Variants in PRH1 observed in about 807,000 individuals in gnomAD.
PRH1 encodes the protein salivary acidic proline-rich phosphoprotein 1/2.
PRH1 carries 7 observed loss-of-function variants against 7.9 expected under a neutral mutation model. That is an observed-to-expected ratio of 0.89 (90% CI 0.50 to 1.67). The LOEUF is 1.67. Ranked by LOEUF, PRH1 falls within the 40% of genes most tolerant of loss-of-function variation. The pLI, the probability that PRH1 is intolerant of heterozygous loss-of-function variation, is 0.00. For synonymous variants in PRH1, 45 were observed against 80.8 expected, an observed-to-expected ratio of 0.56 and a Z score of 2.38; for missense variants, 109 against 223.6, an observed-to-expected ratio of 0.49 and a Z score of 3.27.
At chr12:11,052,081 T>C (rs1943170036), upstream of PRH1, among the ~76,000 whole-genome samples, 1 of 152,290 alleles carries the variant, frequency 6.6e-6, no homozygotes, top group South Asian at 2.1e-4. Context: ...CTAAATTTAT[T>C]CCTGTCACCT....
chr12:11,045,059 T>C (rs1942854756), intron 1 of PRH1, among the ~76,000 whole-genome samples: 1 of 152,114 alleles, frequency 6.6e-6, no homozygotes, highest in Admixed American at 6.5e-5. Flanking sequence ...GCAACCTGAG[T>C]GTCCAGCAAC....
intron 2 of PRH1, among the ~76,000 whole-genome samples, chr12:10,928,670 A>G (rs1482793570): frequency 6.6e-6 from 1 of 152,204 alleles, no homozygotes; most frequent in African/African-American, 2.4e-5. Flanking sequence ...GCCTTCTGTC[A>G]TCTATGTGTA....
Position 10,949,765 on chromosome 12 carries a change from A to G in PRH1, c.-59+23890T>C, listed in dbSNP as rs543589962. ...TATAAGTTTATCTCCCATGTTTACT[A>G]CATCTTGGCCAAAAAATAAAATTTG... On this transcript the variant is annotated intron_variant, in intron 2 of 3. Coordinates refer to the PRH1 transcript ENST00000539853. Among the ~76,000 whole-genome samples, 17 of 152,216 alleles carry G rather than the reference A, an allele frequency of 1.1e-4. No homozygotes were observed. The South Asian group carries it at 3.5e-3, about 32-fold the overall frequency.
chr12:11,170,577 G>T lies in PRH1; in HGVS notation n.39+845C>A, dbSNP rs142844684. On this transcript the variant is annotated intron_variant and non_coding_transcript_variant, in intron 1 of 1. Transcript: ENST00000541175. The stretch of plus-strand genomic sequence containing the variant: ...ACAACAACAAAAAAAGAGTTTGGAA[G>T]TACAGAGTAGTATTCCAGCTCTTGG... 4.7e-3 allele frequency among the ~76,000 whole-genome samples: 718 copies of T among 152,310 alleles called. 9 individuals carry two copies. Among genetic ancestry groups the T allele is most frequent in the African/African-American group, 0.016 (656 of 41,574 alleles).
intron 2 of PRH1, among the ~76,000 whole-genome samples, chr12:10,934,362 T>A (rs1950256245): frequency 6.6e-6 from 1 of 152,116 alleles, no homozygotes; most frequent in African/African-American, 2.4e-5. Context: ...CTGGAGATAG[T>A]CAAAGCTGTG....
chr12:11,030,333 A>C (rs1307912544), intron 1 of PRH1: 2 of 1,541,010 alleles, frequency 1.3e-6, no homozygotes, highest in African/African-American at 2.8e-5. Flanking sequence ...AAAAACCAGT[A>C]AGAAATATAA....
At chr12:10,962,488 G>A (rs892530746) in intron 2 of PRH1, among the ~76,000 whole-genome samples, 8 of 152,052 alleles carry the variant, frequency 5.3e-5, no homozygotes, top group Admixed American at 4.6e-4. Context: ...TATATATAGC[G>A]ATATTTCCCC....
intron 2 of PRH1, chr12:10,908,626 T>C (rs748760325): frequency 6.2e-7 from 1 of 1,614,078 alleles, no homozygotes; most frequent in Admixed American, 1.7e-5. Context: ...GTATGGACCT[T>C]GGTCCTGGGG....
chr12:11,137,946 A>G (rs866714639), intron 1 of PRH1, among the ~76,000 whole-genome samples: 6 of 151,446 alleles, frequency 4.0e-5, no homozygotes, highest in African/African-American at 2.4e-5. Flanking sequence ...TGAGAGAACA[A>G]TATTATTCTT....
chr12:11,108,168 G>C (rs891821515), intron 1 of PRH1, among the ~76,000 whole-genome samples: 2 of 152,128 alleles, frequency 1.3e-5, no homozygotes, highest in African/African-American at 4.8e-5. Context: ...ATCTGTCCTA[G>C]AAAAATTTCA....
In PRH1 at chr12:11,094,661, T is replaced by G. The variant is rs1409481019; in HGVS notation, n.124-47473A>C. Among the ~76,000 whole-genome samples, 2 of 116,172 alleles carry G rather than the reference T, an allele frequency of 1.7e-5. 1 individual carries two copies. Among genetic ancestry groups the G allele is most frequent in the Non-Finnish European group, 4.1e-5 (2 of 49,178 alleles). The allele number at this position is 116,172 out of a possible 152,430, so 76.2% of individuals were successfully genotyped here. On this transcript the variant is annotated intron_variant and non_coding_transcript_variant, in intron 1 of 4. Transcript: ENST00000541977. ...AATTGTGTAAGAATGTATACAAATATTTGATATTTCCCTTCGGTATATAAT... is the reference window on the plus strand; with the variant it reads ...AATTGTGTAAGAATGTATACAAATAGTTGATATTTCCCTTCGGTATATAAT...
intron 1 of PRH1, chr12:11,030,414 A>G: frequency 6.2e-7 from 1 of 1,613,756 alleles, no homozygotes; most frequent in Non-Finnish European, 8.5e-7. Flanking sequence ...ATCTATGGAG[A>G]TGAAGGCTTC....
chr12:10,939,376 G>T, intron 2 of PRH1: 1 of 509,436 alleles, frequency 2.0e-6, no homozygotes, highest in East Asian at 3.2e-5. Context: ...TGGGTTTAAA[G>T]CTCTCTTCAT....
chr12:11,014,790 A>G (rs1322685712), intron 1 of PRH1, among the ~76,000 whole-genome samples: 1 of 152,168 alleles, frequency 6.6e-6, no homozygotes, highest in African/African-American at 2.4e-5. Context: ...ACCCAGAGGA[A>G]AGGACACACA....
At chr12:10,884,374 A>G (rs1328702489), upstream of PRH1, 6 of 788,580 alleles carry the variant, frequency 7.6e-6, no homozygotes, top group Non-Finnish European at 1.3e-5. Flanking sequence ...CTTCAGGTCA[A>G]GTGTATCCCT....
At chr12:10,995,142 T>C (rs770004676) in intron 1 of PRH1, among the ~76,000 whole-genome samples, 38 of 152,316 alleles carry the variant, frequency 2.5e-4, no homozygotes, top group Non-Finnish European at 5.0e-4. Context: ...TTGTGATGTG[T>C]TACATTTTCA....
chr12:11,005,843 A>T (rs2136029526), intron 1 of PRH1: 1 of 152,274 alleles, frequency 6.6e-6, no homozygotes, highest in East Asian at 1.9e-4. Context: ...ATATTTAAAT[A>T]TGAATTGTTT....
chr12:11,080,848 C>A (rs1413243605), intron 1 of PRH1, among the ~76,000 whole-genome samples: 1,705 of 78,914 alleles, frequency 0.022, 1 homozygote, highest in Non-Finnish European at 0.031. Context: ...GATTCCATTG[C>A]ATTCCTGCTT....
At chr12:11,061,566 C>A (rs749529200) in intron 1 of PRH1, 2 of 1,614,058 alleles carry the variant, frequency 1.2e-6, no homozygotes, top group African/African-American at 1.3e-5. Flanking sequence ...TGATTATGGA[C>A]AGAAAGTAAA....
Sources: gnomAD v4.1 joint callset for allele counts (sites outside exome capture counted in the v4.1 genomes callset) on GRCh38, gnomAD v4.1.1 for gene constraint, MANE v1.5 for transcripts, NCBI Gene and HGNC (gene_info 2026-07-23, HGNC 2026-07-21) for gene names.